Variants in EXT2 observed in about 807,000 individuals in gnomAD.
EXT2 encodes the protein exostosin-2.
Under a neutral mutation model 81.6 loss-of-function variants are expected in EXT2, and 53 were observed. The observed-to-expected ratio is 0.65, with a 90% CI of 0.52 to 0.82. The LOEUF (loss-of-function observed/expected upper bound fraction) is 0.82, where lower values mean the gene tolerates loss of function less well. Ranked by LOEUF, EXT2 falls within the 40% of genes least tolerant of loss-of-function variation. The pLI is 0.00. For missense variants in EXT2, 774 were observed against 910.2 expected (o/e 0.85, Z 1.93); for synonymous variants, 320 against 340.0 (o/e 0.94, Z 0.65).
At chr11:44,110,370 G>C (rs1223586588) in intron 3 of EXT2, among the ~76,000 whole-genome samples, 3 of 152,170 alleles carry the variant, frequency 2.0e-5, no homozygotes, top group South Asian at 2.1e-4. Flanking sequence ...TTCAGCTTTG[G>C]TGTAGAGACC....
At chr11:44,191,732 C>T (rs922092357) in intron 8 of EXT2, among the ~76,000 whole-genome samples, 4 of 152,140 alleles carry the variant, frequency 2.6e-5, no homozygotes, top group African/African-American at 9.7e-5. Flanking sequence ...CCCCAGGAAG[C>T]TTTTTTTCTC....
chr11:44,148,570 A>G (rs1201608393), intron 7 of EXT2, among the ~76,000 whole-genome samples: 1 of 152,228 alleles, frequency 6.6e-6, no homozygotes, highest in Non-Finnish European at 1.5e-5. Flanking sequence ...CAGTGGCTCA[A>G]TTTTCTCATC....
chr11:44,202,327 G>A (rs570987504), intron 9 of EXT2, among the ~76,000 whole-genome samples: 13 of 152,162 alleles, frequency 8.5e-5, no homozygotes, highest in African/African-American at 1.9e-4. Context: ...ATACACATTC[G>A]CCAATTGTAA....
chr11:44,186,174 T>C (rs559972456), intron 8 of EXT2, among the ~76,000 whole-genome samples: 26 of 152,362 alleles, frequency 1.7e-4, no homozygotes, highest in African/African-American at 6.0e-4. Context: ...TGAACTGTTA[T>C]TTTTAACATA....
chr11:44,228,181 A>G (rs1955858918), intron 10 of EXT2, among the ~76,000 whole-genome samples: 1 of 152,190 alleles, frequency 6.6e-6, no homozygotes, highest in Admixed American at 6.5e-5. Flanking sequence ...TTTAAAATAG[A>G]TGGGGGCACT....
intron 13 of EXT2, among the ~76,000 whole-genome samples, chr11:44,238,058 C>T (rs1214746969): frequency 6.6e-6 from 1 of 151,992 alleles, no homozygotes; most frequent in African/African-American, 2.4e-5. Context: ...CATTGCACTC[C>T]AGCCTGGGCA....
intron 9 of EXT2, 27 bp from the exon 10 acceptor site, chr11:44,206,766 T>C (rs1955587305): frequency 6.2e-7 from 1 of 1,613,374 alleles, no homozygotes; most frequent in Non-Finnish European, 8.5e-7. Context: ...GTTAGGAGAA[T>C]AGTAAATACC....
intron 8 of EXT2, among the ~76,000 whole-genome samples, chr11:44,190,774 G>T (rs757600614): frequency 3.9e-5 from 6 of 152,182 alleles, no homozygotes; most frequent in Non-Finnish European, 5.9e-5. Context: ...CTTCAGAATG[G>T]CTAGCAAAGG....
rs555225810 is a variant in EXT2 at position 44,116,969 on chromosome 11, CT to C, written c.743+2685del. 8.3e-3 allele frequency: 1,140 copies of C among 137,546 alleles called. 4 individuals are homozygous for C. The highest frequency in any genetic ancestry group is 0.023 in the East Asian group (109 of 4,772). The allele number at this position is 137,546 out of a possible 1,614,324, so 8.5% of individuals were successfully genotyped here. ...CATTCTATAGACTGCTTTTCACTTT[CT>C]TTTTTTTTTTTTTTTTGAGACGGAG... On this transcript the variant is annotated intron_variant, in intron 4 of 13. Coordinates refer to ENST00000533608, the MANE Select transcript of EXT2 (RefSeq NM_207122.2).
Position 44,107,870 on chromosome 11 carries a change from CA to C in EXT2, c.161del (p.Asn54MetfsTer5), listed in dbSNP as rs1294712706. The C allele has an allele frequency of 6.2e-7, 1 of 1,614,200 alleles. No homozygotes were observed. Among genetic ancestry groups the C allele is most frequent in the Non-Finnish European group, 8.5e-7 (1 of 1,180,054 alleles). ...FQFWPHSIES[S>X]NDWNVEKRSI... ...TTTTGGCCCCATTCTATCGAGTCCTCAAATGACTGGAATGTAGAGAAGCGCA... is the reference window on the plus strand; with the variant it reads ...TTTTGGCCCCATTCTATCGAGTCCTCAATGACTGGAATGTAGAGAAGCGCA... On this transcript the variant is annotated frameshift_variant, in exon 2 of 14. Coordinates refer to ENST00000533608, the MANE Select transcript of EXT2 (RefSeq NM_207122.2). LOFTEE classifies it high-confidence loss of function.
At chr11:44,192,202 A>C (rs1029171825) in intron 8 of EXT2, among the ~76,000 whole-genome samples, 2 of 151,824 alleles carry the variant, frequency 1.3e-5, no homozygotes, top group African/African-American at 4.8e-5. Flanking sequence ...GCTTGCCCCT[A>C]GGCTTCTTTG....
chr11:44,162,288 A>G (rs1382756497), intron 7 of EXT2, among the ~76,000 whole-genome samples: 1 of 152,104 alleles, frequency 6.6e-6, no homozygotes, highest in Admixed American at 6.5e-5. Context: ...TATAAAAGCA[A>G]TTACCAGCTG....
At chr11:44,114,912 T>A (rs1954199873) in intron 4 of EXT2, among the ~76,000 whole-genome samples, 1 of 152,194 alleles carries the variant, frequency 6.6e-6, no homozygotes, top group African/African-American at 2.4e-5. Flanking sequence ...GCTCTCTCAG[T>A]TTTTCTGGGC....
chr11:44,181,943 A>G (rs887824448), intron 8 of EXT2, among the ~76,000 whole-genome samples: 2 of 152,178 alleles, frequency 1.3e-5, no homozygotes, highest in African/African-American at 4.8e-5. Flanking sequence ...CACTTAGGTT[A>G]AGAGGATGGG....
At chr11:44,127,044 G>C in intron 6 of EXT2, 89 bp downstream of exon 6, 1 of 1,505,094 alleles carries the variant, frequency 6.6e-7, no homozygotes, top group African/African-American at 1.4e-5. Flanking sequence ...TGTATACCCT[G>C]GTTCAAGAAC....
chr11:44,217,603 T>C (rs1955735339), intron 10 of EXT2, among the ~76,000 whole-genome samples: 2 of 152,210 alleles, frequency 1.3e-5, no homozygotes, highest in African/African-American at 4.8e-5. Context: ...ACTAGGAAAG[T>C]ATCTATTGAG....
rs1387404831 is a variant in EXT2 at position 44,220,731 on chromosome 11, A to T, written c.1663-11622A>T. On this transcript the variant is annotated intron_variant, in intron 10 of 13. Coordinates refer to ENST00000533608, the MANE Select transcript of EXT2 (RefSeq NM_207122.2). This position sits in a 1 kb window ranked among gnomAD's most constrained non-coding sequence, Gnocchi z 4.4. ...GCTTGCATTGATTTACACCCCCAAG[A>T]CTCACAGGGACCTGGAGAGAAAATA... is the stretch of plus-strand genomic sequence containing the variant. Among the ~76,000 whole-genome samples the T allele has an allele frequency of 6.6e-6, 1 of 152,080 alleles. No homozygotes were observed. Among genetic ancestry groups the T allele is most frequent in the Non-Finnish European group, 1.5e-5 (1 of 68,028 alleles).
chr11:44,102,818 T>C (rs892591129), intron 1 of EXT2, among the ~76,000 whole-genome samples: 1 of 152,174 alleles, frequency 6.6e-6, no homozygotes, highest in Non-Finnish European at 1.5e-5. Context: ...TCTTTTTATA[T>C]GTTTATGTGC....
intron 7 of EXT2, among the ~76,000 whole-genome samples, chr11:44,159,486 T>C (rs1954901602): frequency 6.6e-6 from 1 of 152,232 alleles, no homozygotes; most frequent in South Asian, 2.1e-4. Context: ...CTATCATTTC[T>C]TTTTTATTCT....
Sources: gnomAD v4.1 joint callset for allele counts (sites outside exome capture counted in the v4.1 genomes callset) on GRCh38, gnomAD v4.1.1 for gene constraint, Gnocchi (gnomAD v3.1) non-coding constraint, MANE v1.5 for transcripts, NCBI Gene and HGNC (gene_info 2026-07-23, HGNC 2026-07-21) for gene names.